The following MYRIP variants were observed in gnomAD, a reference collection of about 807,000 sequenced individuals.
MYRIP encodes the protein myosin VIIA and Rab interacting protein.
In MYRIP, 49 loss-of-function variants were observed where a neutral mutation model predicts 98.0. The observed-to-expected ratio is 0.50, with a 90% CI of 0.40 to 0.63. MYRIP has a LOEUF of 0.63. Among genes scored for constraint, MYRIP ranks in the 30% least tolerant of loss-of-function variants. The pLI is 0.00. For synonymous variants in MYRIP, 404 were observed against 409.5 expected (o/e 0.99, Z 0.16); for missense variants, 1,004 against 1,058.2 (o/e 0.95, Z 0.71).
chr3:39,859,103 G>GT (rs1158726504), intron 1 of MYRIP, among the ~76,000 whole-genome samples: 1 of 123,536 alleles, frequency 8.1e-6, no homozygotes, highest in African/African-American at 3.1e-5. Flanking sequence ...AACTGAGTTG[G>GT]TTTTTTGAAA....
intron 1 of MYRIP, among the ~76,000 whole-genome samples, chr3:39,850,041 T>C (rs1379846487): frequency 2.0e-5 from 3 of 152,358 alleles, no homozygotes; most frequent in African/African-American, 7.2e-5. Flanking sequence ...TGTGTTCTGA[T>C]GTTCCTCTTC....
intron 3 of MYRIP, among the ~76,000 whole-genome samples, chr3:40,051,144 G>A (rs1224738651): frequency 6.6e-6 from 1 of 152,142 alleles, no homozygotes; most frequent in African/African-American, 2.4e-5. Flanking sequence ...AATGTTTACT[G>A]TAAGTAAAAT....
chr3:40,104,852 G>T (rs543665116), intron 3 of MYRIP, among the ~76,000 whole-genome samples: 6 of 152,184 alleles, frequency 3.9e-5, no homozygotes, highest in African/African-American at 7.2e-5. Context: ...TTTTTACATT[G>T]TTACTTTTAC....
chr3:39,888,357 C>A (rs1159103679), intron 1 of MYRIP, among the ~76,000 whole-genome samples: 1 of 151,530 alleles, frequency 6.6e-6, no homozygotes, highest in East Asian at 1.9e-4. Flanking sequence ...CAGAACAGAG[C>A]CCTCAGAAAT....
intron 3 of MYRIP, among the ~76,000 whole-genome samples, chr3:40,137,301 C>T (rs924674095): frequency 2.0e-5 from 3 of 152,116 alleles, no homozygotes; most frequent in Non-Finnish European, 2.9e-5. Context: ...GGATAAATTC[C>T]TCGACACATA....
intron 15 of MYRIP, 35 bp downstream of exon 15, chr3:40,250,534 A>C: frequency 6.2e-7 from 1 of 1,611,094 alleles, no homozygotes; most frequent in Non-Finnish European, 8.5e-7. Context: ...CTACCAAAAA[A>C]TTAAGCCTGA....
intron 15 of MYRIP, among the ~76,000 whole-genome samples, chr3:40,250,764 G>C (rs1953350855): frequency 6.6e-6 from 1 of 152,256 alleles, no homozygotes. Flanking sequence ...CAGGGTACTT[G>C]AATTAGGAGT....
intron 3 of MYRIP, among the ~76,000 whole-genome samples, chr3:40,096,504 T>G (rs1254562845): frequency 1.3e-5 from 2 of 152,196 alleles, no homozygotes; most frequent in Admixed American, 6.5e-5. Context: ...TTTGAGTTCA[T>G]GAGTTTGACT....
chr3:40,127,345 T>A (rs116243563), intron 3 of MYRIP, among the ~76,000 whole-genome samples: 28 of 152,290 alleles, frequency 1.8e-4, no homozygotes, highest in Non-Finnish European at 2.2e-4. Flanking sequence ...GGTTAGCGAC[T>A]TGCTTTTGGT....
At chr3:40,159,996 G>A (rs982946773) in intron 4 of MYRIP, among the ~76,000 whole-genome samples, 61 of 152,142 alleles carry the variant, frequency 4.0e-4, no homozygotes, top group Non-Finnish European at 7.1e-4. Context: ...CTCTCAGGTC[G>A]TCAAAGTCAT....
intron 3 of MYRIP, among the ~76,000 whole-genome samples, chr3:40,142,295 C>T (rs894849021): frequency 2.0e-5 from 3 of 151,772 alleles, no homozygotes; most frequent in African/African-American, 2.4e-5. Context: ...TCAAGTGATC[C>T]GCCTGCCTCA....
chr3:40,218,789 G>A lies in MYRIP; in HGVS notation c.1905+8696G>A, dbSNP rs568596938. On this transcript the variant is annotated intron_variant, in intron 11 of 16. Coordinates refer to ENST00000302541, the MANE Select transcript of MYRIP (RefSeq NM_015460.4). The stretch of plus-strand genomic sequence containing the variant: ...GCGGAAACATATTCTGTGTATAGAT[G>A]GGAAAACTTCACACTTTTATAGAAG... Among the ~76,000 whole-genome samples, 96 of 151,442 alleles carry A rather than the reference G, an allele frequency of 6.3e-4. 1 individual carries two copies. The highest frequency in any genetic ancestry group is 2.3e-3 in the African/African-American group (93 of 41,250).
intron 1 of MYRIP, among the ~76,000 whole-genome samples, chr3:39,881,294 G>A (rs1421581239): frequency 2.0e-5 from 3 of 151,942 alleles, no homozygotes; most frequent in Non-Finnish European, 2.9e-5. Flanking sequence ...GATAATCTTG[G>A]GCTGTTTACT....
intron 1 of MYRIP, among the ~76,000 whole-genome samples, chr3:39,880,684 C>T (rs1943136941): frequency 6.6e-6 from 1 of 152,102 alleles, no homozygotes; most frequent in Non-Finnish European, 1.5e-5. Context: ...CTCCTTAGGT[C>T]TGTGACAATT....
intron 4 of MYRIP, among the ~76,000 whole-genome samples, chr3:40,157,836 G>A (rs1289492381): frequency 2.0e-5 from 3 of 151,132 alleles, no homozygotes; most frequent in African/African-American, 7.3e-5. Context: ...GGGATCGGTG[G>A]TGATATCCCC....
Position 40,071,113 on chromosome 3 carries a change from G to A in MYRIP, c.332+26842G>A, listed in dbSNP as rs141113663. ...GGGAAGAAAGCACAGGAAGAAGAGA[G>A]TCATTTTGATGTCCTCAACTGCAGT... On this transcript the variant is annotated intron_variant, in intron 3 of 16. Coordinates refer to ENST00000302541, the MANE Select transcript of MYRIP (RefSeq NM_015460.4). The A allele has an allele frequency of 5.1e-5, 50 of 984,230 alleles. No homozygotes were observed. The African/African-American group carries it at 7.7e-4, about 15-fold the overall frequency. The allele number at this position is 984,230 out of a possible 1,614,324, so 61.0% of individuals were successfully genotyped here. A position where few individuals can be genotyped will look rare whatever the true frequency, so the allele number is the denominator to read the frequency against.
intron 2 of MYRIP, among the ~76,000 whole-genome samples, chr3:39,978,203 T>C (rs1945802910): frequency 6.6e-6 from 1 of 152,170 alleles, no homozygotes; most frequent in African/African-American, 2.4e-5. Context: ...AATGCATTCA[T>C]AGAAATTAGC....
At position 40,200,125 on chromosome 3, in the gene MYRIP, T is replaced by C. The variant is rs943301011; in HGVS notation, c.1665+9662T>C. On this transcript the variant is annotated intron_variant, in intron 10 of 16. Coordinates refer to ENST00000302541, the MANE Select transcript of MYRIP (RefSeq NM_015460.4). Reference sequence around the variant, plus strand: ...CTGAAAAATGGTGCCTCTTACATTTTCTTTTTATCATAGGCCCTTTTGAGG... The same window carrying C: ...CTGAAAAATGGTGCCTCTTACATTTCCTTTTTATCATAGGCCCTTTTGAGG... 1.9e-4 allele frequency among the ~76,000 whole-genome samples: 29 copies of C among 149,898 alleles called. 2 individuals carry two copies. Among genetic ancestry groups the C allele is most frequent in the African/African-American group, 6.8e-4 (28 of 41,140 alleles).
At chr3:40,154,394 G>A (rs1950177373) in intron 4 of MYRIP, among the ~76,000 whole-genome samples, 1 of 152,172 alleles carries the variant, frequency 6.6e-6, no homozygotes, top group Non-Finnish European at 1.5e-5. Context: ...TGGCTTAAGA[G>A]TTGGGGGTGA....
Sources: allele counts gnomAD v4.1 joint callset (sites outside exome capture counted in the v4.1 genomes callset), GRCh38; gene constraint gnomAD v4.1.1; transcripts MANE v1.5; gene names NCBI Gene and HGNC (gene_info 2026-07-23, HGNC 2026-07-21).